LAMA2: variants seen among roughly 807,000 people sequenced by gnomAD.
LAMA2 encodes laminin subunit alpha-2.
A neutral mutation model predicts 364.8 loss-of-function variants in LAMA2; 269 were observed. That is an observed-to-expected ratio of 0.74 (90% CI 0.67 to 0.82). LAMA2 has a LOEUF of 0.82. Ranked by LOEUF, LAMA2 falls within the 40% of genes least tolerant of loss-of-function variation. LAMA2 has a pLI of 0.00. For missense variants in LAMA2, 3,807 were observed against 3,873.2 expected, an observed-to-expected ratio of 0.98 and a Z score of 0.45; for synonymous variants, 1,379 against 1,370.6, an observed-to-expected ratio of 1.01 and a Z score of -0.14.
At chr6:129,198,552 T>C (rs12215704) in intron 12 of LAMA2, among the ~76,000 whole-genome samples, 39,752 of 152,010 alleles carry the variant, frequency 0.26, 6,024 homozygotes, top group African/African-American at 0.42. Flanking sequence ...CAAATGTCAA[T>C]AGAGGGGACA....
chr6:128,883,797 T>C (rs866156140), intron 1 of LAMA2, among the ~76,000 whole-genome samples: 4,831 of 133,290 alleles, frequency 0.036, 255 homozygotes, highest in African/African-American at 0.14. Context: ...TATATATATA[T>C]ATATACACAC....
At chr6:128,951,121 T>TGG (rs1213405200) in intron 1 of LAMA2, among the ~76,000 whole-genome samples, 1 of 152,202 alleles carries the variant, frequency 6.6e-6, no homozygotes, top group East Asian at 1.9e-4. Context: ...ATTTCTATGA[T>TGG]GGTCATTTTC....
chr6:128,990,270 T>A (rs1783528170), intron 1 of LAMA2, among the ~76,000 whole-genome samples: 1 of 152,178 alleles, frequency 6.6e-6, no homozygotes, highest in African/African-American at 2.4e-5. Context: ...TACTATTGGT[T>A]TCCTGAGGGA....
At chr6:129,213,637 A>G (rs1783241398) in intron 12 of LAMA2, among the ~76,000 whole-genome samples, 1 of 152,256 alleles carries the variant, frequency 6.6e-6, no homozygotes, top group East Asian at 1.9e-4. Context: ...GATGATGAGC[A>G]TGTTTTCATG....
chr6:129,189,196 C>T (rs1345473245), intron 10 of LAMA2, among the ~76,000 whole-genome samples: 1 of 151,830 alleles, frequency 6.6e-6, no homozygotes, highest in Non-Finnish European at 1.5e-5. Flanking sequence ...TATACAGGGC[C>T]ACGAAAACTA....
chr6:129,432,162 T>C (rs947342070), intron 41 of LAMA2, among the ~76,000 whole-genome samples: 7 of 152,330 alleles, frequency 4.6e-5, no homozygotes, highest in Admixed American at 3.9e-4. Context: ...CTGGGTCCCC[T>C]GGCCTACTGT....
chr6:129,265,886 G>T (rs1167755655), intron 15 of LAMA2, among the ~76,000 whole-genome samples: 1 of 151,950 alleles, frequency 6.6e-6, no homozygotes, highest in African/African-American at 2.4e-5. Context: ...AAACAAATTT[G>T]ACACTTTTTT....
chr6:128,976,736 TATC>T (rs752081145), intron 1 of LAMA2, among the ~76,000 whole-genome samples: 1 of 152,298 alleles, frequency 6.6e-6, no homozygotes, highest in East Asian at 1.9e-4. Flanking sequence ...ATATCATAAA[TATC>T]ATACGAATCC....
At chr6:129,323,918 C>G (rs1775116606) in intron 28 of LAMA2, among the ~76,000 whole-genome samples, 2 of 152,186 alleles carry the variant, frequency 1.3e-5, no homozygotes, top group South Asian at 4.1e-4. Flanking sequence ...GATCGCCACT[C>G]AGAAGCTGTC....
intron 40 of LAMA2, among the ~76,000 whole-genome samples, chr6:129,423,229 A>G (rs965051224): frequency 6.6e-6 from 1 of 152,094 alleles, no homozygotes. Flanking sequence ...AGCTAAAATC[A>G]TACTTAGCAC....
chr6:129,189,461 G>C (rs1583214417), intron 10 of LAMA2, among the ~76,000 whole-genome samples: 1 of 152,090 alleles, frequency 6.6e-6, no homozygotes, highest in Non-Finnish European at 1.5e-5. Context: ...CACATTTTAA[G>C]CTCAACTATA....
intron 41 of LAMA2, chr6:129,436,921 G>C (rs1016650930): frequency 6.6e-6 from 1 of 152,052 alleles, no homozygotes; most frequent in African/African-American, 2.4e-5. Context: ...TTTGCACATA[G>C]ACAATGCTAT....
intron 1 of LAMA2, among the ~76,000 whole-genome samples, chr6:128,982,334 A>G (rs927745382): frequency 9.8e-5 from 15 of 152,286 alleles, no homozygotes; most frequent in African/African-American, 3.6e-4. Flanking sequence ...GTGTATCTAT[A>G]GCCAACAGAT....
chr6:129,515,251 G>C (rs189033703), intron 64 of LAMA2, among the ~76,000 whole-genome samples: 1 of 152,244 alleles, frequency 6.6e-6, no homozygotes, highest in South Asian at 2.1e-4. Flanking sequence ...TTTGTCAAGA[G>C]GAACTTTTAT....
At chr6:129,179,741 T>C (rs1415807911) in intron 10 of LAMA2, among the ~76,000 whole-genome samples, 3 of 152,180 alleles carry the variant, frequency 2.0e-5, no homozygotes, top group Admixed American at 2.0e-4. Flanking sequence ...TGTGATATCT[T>C]AAATAGAAAA....
intron 62 of LAMA2, among the ~76,000 whole-genome samples, chr6:129,512,072 C>T (rs1328611725): frequency 6.6e-6 from 1 of 152,088 alleles, no homozygotes; most frequent in East Asian, 1.9e-4. Context: ...GTGCCAGATA[C>T]TTTGGTAAGC....
Position 129,267,088 on chromosome 6 carries a change from G to A in LAMA2, c.2209-18G>A, listed in dbSNP as rs780844864. The A allele has an allele frequency of 6.7e-7, 1 of 1,493,444 alleles. No homozygotes were observed. Among genetic ancestry groups the A allele is most frequent in the Admixed American group, 1.7e-5 (1 of 59,782 alleles). The allele number at this position is 1,493,444 out of a possible 1,614,324, so 92.5% of individuals were successfully genotyped here. On this transcript the variant is annotated intron_variant, in intron 15 of 64. Coordinates refer to ENST00000421865, the MANE Select transcript of LAMA2 (RefSeq NM_000426.4). Reference sequence around the variant, plus strand: ...GTTTTAATCTCCAAGACTGACTAAAGCCTTATCTTTCTCTCAGTCTTGTTG... The same window carrying A: ...GTTTTAATCTCCAAGACTGACTAAAACCTTATCTTTCTCTCAGTCTTGTTG...
intron 29 of LAMA2, among the ~76,000 whole-genome samples, chr6:129,335,586 T>G (rs533397195): frequency 1.3e-5 from 2 of 152,118 alleles, no homozygotes; most frequent in Non-Finnish European, 2.9e-5. Flanking sequence ...ATAATAAAAA[T>G]AAATCTCTAT....
chr6:129,275,763 T>G (rs1205792306), intron 17 of LAMA2, among the ~76,000 whole-genome samples: 1 of 150,700 alleles, frequency 6.6e-6, no homozygotes, highest in African/African-American at 2.4e-5. Context: ...AAAAAATTAA[T>G]AAGTCGTATC....
Sources: gnomAD v4.1 joint callset for allele counts (sites outside exome capture counted in the v4.1 genomes callset) on GRCh38, gnomAD v4.1.1 for gene constraint, MANE v1.5 for transcripts, NCBI Gene and HGNC (gene_info 2026-07-23, HGNC 2026-07-21) for gene names.